SLC8A1: variants seen among roughly 807,000 people sequenced by gnomAD.
The protein encoded by SLC8A1 is solute carrier family 8 member A1, also known as sodium/calcium exchanger 1.
A neutral mutation model predicts 68.3 loss-of-function variants in SLC8A1; 18 were observed. That is an observed-to-expected ratio of 0.26 (90% CI 0.18 to 0.39). SLC8A1 has a LOEUF of 0.39. Ranked by LOEUF, SLC8A1 falls within the 10% of genes least tolerant of loss-of-function variation. The pLI, the probability that SLC8A1 is intolerant of heterozygous loss-of-function variation, is 1.00. For missense variants in SLC8A1, 985 were observed against 1,156.7 expected (o/e 0.85, Z 2.15); for synonymous variants, 475 against 415.5 (o/e 1.14, Z -1.74).
chr2:40,237,250 C>T (rs1453132794), intron 2 of SLC8A1, among the ~76,000 whole-genome samples: 11 of 152,278 alleles, frequency 7.2e-5, no homozygotes, highest in African/African-American at 2.4e-4. Flanking sequence ...ACCAATCAGA[C>T]GTAGATTTGG....
At chr2:40,149,554 G>A (rs1004142976) in intron 6 of SLC8A1, among the ~76,000 whole-genome samples, 5 of 152,150 alleles carry the variant, frequency 3.3e-5, no homozygotes, top group Non-Finnish European at 7.4e-5. Flanking sequence ...GCACAACTGT[G>A]TAGAGAACAG....
exon 8 of SLC8A1, chr2:40,115,023 G>T (rs914681373): frequency 3.2e-5 from 9 of 280,546 alleles, no homozygotes; most frequent in African/African-American, 2.0e-4. Flanking sequence ...AGCCCTTCTA[G>T]ACTGAGCTGC....
At chr2:40,380,041 CATA>C (rs1681223020) in intron 2 of SLC8A1, among the ~76,000 whole-genome samples, 1 of 152,082 alleles carries the variant, frequency 6.6e-6, no homozygotes. Context: ...GACATTATAT[CATA>C]ATGTCTACAA....
At chr2:40,230,995 G>A (rs1301181950) in intron 2 of SLC8A1, among the ~76,000 whole-genome samples, 1 of 152,158 alleles carries the variant, frequency 6.6e-6, no homozygotes, top group East Asian at 1.9e-4. Context: ...AAACCGAGTG[G>A]TAAGTTGGAA....
intron 2 of SLC8A1, among the ~76,000 whole-genome samples, chr2:40,294,771 C>T (rs2070019391): frequency 6.6e-6 from 1 of 152,026 alleles, no homozygotes; most frequent in Admixed American, 6.6e-5. Context: ...CAATTTCACC[C>T]CCACTTTAAA....
chr2:40,140,011 G>A lies in SLC8A1; in HGVS notation c.2162-335C>T, dbSNP rs533870053. ...GAAAATGATTTATTCCAAAAGGCTGGCAAGCCCTGTGTCAGCCTGAGAAAT... is the reference window on the plus strand; with the variant it reads ...GAAAATGATTTATTCCAAAAGGCTGACAAGCCCTGTGTCAGCCTGAGAAAT... On this transcript the variant is annotated intron_variant, in intron 6 of 7. Transcript: ENST00000406785. Among the ~76,000 whole-genome samples the A allele has an allele frequency of 5.9e-5, 9 of 152,210 alleles. No homozygotes were observed. In the East Asian group the frequency reaches 1.2e-3, roughly 20 times the overall value.
At position 40,412,168 on chromosome 2, in the gene SLC8A1, T is replaced by A. The variant is rs551445868; in HGVS notation, c.1808+16305A>T. ...GCTATACTCTTCATGTTACACAGGC[T>A]GCTTAGCGATATGTCAGAATATATT... On this transcript the variant is annotated intron_variant, in intron 2 of 7. Coordinates refer to ENST00000406785, the Ensembl canonical transcript of SLC8A1. Among the ~76,000 whole-genome samples, 27 of 152,254 alleles carry A rather than the reference T, an allele frequency of 1.8e-4. 1 individual carries two copies. The South Asian group carries it at 5.4e-3, about 30-fold the overall frequency.
At position 40,432,401 on chromosome 2, in the gene SLC8A1, T is replaced by TTGTGTGTGTGTGTGTGTGTG. The variant is rs112824729; in HGVS notation, c.-24-2117_-24-2098dup. On this transcript the variant is annotated intron_variant, in intron 1 of 7. Transcript: ENST00000406785. ...TATAGAGGACAAGGAGAGTGTGAGATTGTGTGTGTGTGTGTGTGTGTGTAT... is the reference window on the plus strand; with the variant it reads ...TATAGAGGACAAGGAGAGTGTGAGATTGTGTGTGTGTGTGTGTGTGTGTGTGTGTGTGTGTGTGTGTGTAT... Among the ~76,000 whole-genome samples the TTGTGTGTGTGTGTGTGTGTG allele has an allele frequency of 7.3e-3, 935 of 128,812 alleles. 17 individuals carry two copies. Among genetic ancestry groups the TTGTGTGTGTGTGTGTGTGTG allele is most frequent in the Non-Finnish European group, 0.01 (646 of 62,498 alleles). 84.5% of individuals were successfully genotyped at this position (128,812 alleles called of 152,430 possible). A position where few individuals can be genotyped will look rare whatever the true frequency, so the allele number is the denominator to read the frequency against.
intron 2 of SLC8A1, among the ~76,000 whole-genome samples, chr2:40,194,072 G>A (rs764485638): frequency 4.6e-5 from 7 of 152,056 alleles, no homozygotes; most frequent in Non-Finnish European, 8.8e-5. Flanking sequence ...AGTAAAATAC[G>A]AATTCTGCTA....
upstream of SLC8A1, among the ~76,000 whole-genome samples, chr2:40,456,316 CAAAAAAAAAAA>C (rs67747641): frequency 3.9e-5 from 4 of 102,404 alleles, no homozygotes; most frequent in East Asian, 1.3e-3. Context: ...GACTCCGTCT[CAAAAAAAAAAA>C]AAAAAAAAAA....
intron 2 of SLC8A1, among the ~76,000 whole-genome samples, chr2:40,183,408 C>T (rs538318314): frequency 5.8e-4 from 89 of 152,276 alleles, no homozygotes; most frequent in African/African-American, 1.9e-3. Context: ...CTGCAGCACA[C>T]GTTATATTCC....
chr2:40,317,250 G>A (rs2074585264), intron 2 of SLC8A1, among the ~76,000 whole-genome samples: 2 of 151,972 alleles, frequency 1.3e-5, no homozygotes, highest in Admixed American at 6.6e-5. Context: ...TTTATTACTG[G>A]AGACAGACAG....
chr2:40,399,947 C>G (rs1302647887), intron 2 of SLC8A1, among the ~76,000 whole-genome samples: 1 of 152,172 alleles, frequency 6.6e-6, no homozygotes, highest in Non-Finnish European at 1.5e-5. Context: ...AAGATCGACC[C>G]CTGACCTAAT....
Position 40,253,078 on chromosome 2 carries a change from GTAT to G in SLC8A1, c.1809-75226_1809-75224del, listed in dbSNP as rs570831288. The stretch of plus-strand genomic sequence containing the variant: ...ATGTACATGTATATACTATATATGT[GTAT>G]AAATGTATATAGTATATATACATAT... On this transcript the variant is annotated intron_variant, in intron 2 of 7. Coordinates refer to ENST00000406785, the Ensembl canonical transcript of SLC8A1. 4.4e-4 allele frequency among the ~76,000 whole-genome samples: 43 copies of G among 96,728 alleles called. 1 individual carries two copies. In the South Asian group the frequency reaches 0.011, roughly 25 times the overall value. The allele number at this position is 96,728 out of a possible 152,430, so 63.5% of individuals were successfully genotyped here.
chr2:40,422,713 C>T (rs1695849790), intron 2 of SLC8A1, among the ~76,000 whole-genome samples: 1 of 152,074 alleles, frequency 6.6e-6, no homozygotes, highest in Non-Finnish European at 1.5e-5. Flanking sequence ...TTCCTAGAGA[C>T]CCAAGGACTA....
intron 2 of SLC8A1, among the ~76,000 whole-genome samples, chr2:40,180,142 A>G (rs1334737953): frequency 6.6e-6 from 1 of 152,032 alleles, no homozygotes; most frequent in Non-Finnish European, 1.5e-5. Context: ...AGATATTTAC[A>G]AAACTACCAA....
intron 2 of SLC8A1, among the ~76,000 whole-genome samples, chr2:40,205,832 A>AG (rs2055333067): frequency 6.6e-6 from 1 of 151,272 alleles, no homozygotes; most frequent in South Asian, 2.1e-4. Flanking sequence ...AAAAAAAAAA[A>AG]GAAAAAGTCT....
At chr2:40,460,862 C>G (rs967604942) in intron 1 of SLC8A1, among the ~76,000 whole-genome samples, 1 of 112,470 alleles carries the variant, frequency 8.9e-6, no homozygotes, top group African/African-American at 3.0e-5. Flanking sequence ...CGTGAGCCAC[C>G]GCACCTGACT....
intron 2 of SLC8A1, among the ~76,000 whole-genome samples, chr2:40,343,801 A>G (rs1559323613): frequency 6.6e-6 from 1 of 152,232 alleles, no homozygotes; most frequent in African/African-American, 2.4e-5. Context: ...TTTTCAAACT[A>G]CTGTACTTGT....
Sources: gnomAD v4.1 joint callset for allele counts (sites outside exome capture counted in the v4.1 genomes callset) on GRCh38, gnomAD v4.1.1 for gene constraint, MANE v1.5 for transcripts, NCBI Gene and HGNC (gene_info 2026-07-23, HGNC 2026-07-21) for gene names.